Variants in CTNND2 observed in about 807,000 individuals in gnomAD.
CTNND2 encodes catenin delta-2.
CTNND2 carries 22 observed loss-of-function variants against 144.4 expected under a neutral mutation model. The ratio of observed to expected loss-of-function variants is 0.15; its 90% confidence interval spans 0.11 to 0.22. The LOEUF is 0.22. Ranked by LOEUF, CTNND2 falls within the 10% of genes least tolerant of loss-of-function variation. The pLI, the probability that CTNND2 is intolerant of heterozygous loss-of-function variation, is 1.00. For missense variants in CTNND2, 1,353 were observed against 1,618.8 expected (o/e 0.84, Z 2.82); for synonymous variants, 751 against 695.6 (o/e 1.08, Z -1.25).
At chr5:11,505,110 T>C (rs181619943) in intron 3 of CTNND2, among the ~76,000 whole-genome samples, 121 of 151,524 alleles carry the variant, frequency 8.0e-4, no homozygotes, top group South Asian at 1.5e-3. Context: ...GGTGCTTTTA[T>C]AAAAACTAGG....
At chr5:10,980,144 A>G (rs927561177) in intron 21 of CTNND2, among the ~76,000 whole-genome samples, 2 of 152,190 alleles carry the variant, frequency 1.3e-5, no homozygotes, top group African/African-American at 4.8e-5. Flanking sequence ...ATTTTTTGCA[A>G]TCTATCCATC....
At chr5:10,992,470 G>C (rs778919929) in intron 19 of CTNND2, 81 bp downstream of exon 19, 6 of 1,589,452 alleles carry the variant, frequency 3.8e-6, no homozygotes, top group Non-Finnish European at 5.2e-6. Context: ...CTCTGAGTAC[G>C]GGTTGGCTCA....
intron 1 of CTNND2, among the ~76,000 whole-genome samples, chr5:11,757,162 TACAC>T (rs544768401): frequency 1.5e-4 from 22 of 151,562 alleles, no homozygotes; most frequent in Non-Finnish European, 2.1e-4. Context: ...TACATGCACA[TACAC>T]ACAAATCGAT....
At chr5:11,071,407 G>A (rs533848933) in intron 16 of CTNND2, among the ~76,000 whole-genome samples, 3 of 152,224 alleles carry the variant, frequency 2.0e-5, no homozygotes, top group South Asian at 2.1e-4. Flanking sequence ...GCATGGTGGC[G>A]TCTGCACCTG....
intron 9 of CTNND2, among the ~76,000 whole-genome samples, chr5:11,279,789 C>T (rs1470532519): frequency 1.3e-5 from 2 of 152,266 alleles, no homozygotes; most frequent in Non-Finnish European, 1.5e-5. Flanking sequence ...GGAGCAGACA[C>T]ATCACATGGT....
At chr5:11,612,899 C>T (rs1780403079) in intron 2 of CTNND2, among the ~76,000 whole-genome samples, 1 of 152,004 alleles carries the variant, frequency 6.6e-6, no homozygotes, top group Non-Finnish European at 1.5e-5. Flanking sequence ...GACCCTGCCT[C>T]AATATAAATA....
In CTNND2 at chr5:11,261,244, G is replaced by T. The variant is rs1158383701; in HGVS notation, c.1629-24421C>A. On this transcript the variant is annotated intron_variant, in intron 9 of 21. Transcript: ENST00000304623. ...TAGTGACAGTGATATTGGGCTGGCC[G>T]TTTGTCCCAGCCTCTCATCGGTCTA... Among the ~76,000 whole-genome samples, 3 of 152,184 alleles carry T rather than the reference G, an allele frequency of 2.0e-5. No individual in the cohort carries two copies. In the South Asian group the frequency reaches 6.2e-4, roughly 32 times the overall value.
intron 14 of CTNND2, among the ~76,000 whole-genome samples, chr5:11,107,126 G>T (rs1024497): frequency 0.19 from 28,220 of 152,096 alleles, 2,913 homozygotes; most frequent in South Asian, 0.24. Flanking sequence ...CATCTGAAAG[G>T]ATATATGCCC....
Position 11,156,944 on chromosome 5 carries a change from G to A in CTNND2, c.2159+2632C>T, listed in dbSNP as rs147321859. Among the ~76,000 whole-genome samples the A allele has an allele frequency of 1.4e-4, 21 of 152,320 alleles. No individual in the cohort carries two copies. The East Asian group carries it at 2.5e-3, about 18-fold the overall frequency. The stretch of plus-strand genomic sequence containing the variant: ...CCAACAGAGAGGAAAGTGTTGCCCC[G>A]TCAGCAGGTGGTGGTTGTGTATTGT... On this transcript the variant is annotated intron_variant, in intron 12 of 21. Transcript: ENST00000304623.
intron 10 of CTNND2, among the ~76,000 whole-genome samples, chr5:11,207,361 C>T (rs1248691835): frequency 2.7e-5 from 4 of 146,530 alleles, no homozygotes; most frequent in African/African-American, 5.1e-5. Flanking sequence ...GTTCTGCACA[C>T]GTATCCCAGA....
intron 1 of CTNND2, among the ~76,000 whole-genome samples, chr5:11,853,984 G>A (rs567795699): frequency 3.3e-5 from 5 of 152,294 alleles, no homozygotes; most frequent in African/African-American, 1.2e-4. Context: ...CCAAGTCTAT[G>A]TCAGATCACA....
chr5:11,370,422 G>A (rs971456358), intron 7 of CTNND2, among the ~76,000 whole-genome samples: 3 of 152,076 alleles, frequency 2.0e-5, no homozygotes, highest in African/African-American at 7.2e-5. Context: ...AAATAAAGGA[G>A]AAAAAGAGGA....
At chr5:11,261,050 G>T (rs1440393656) in intron 9 of CTNND2, among the ~76,000 whole-genome samples, 1 of 152,080 alleles carries the variant, frequency 6.6e-6, no homozygotes, top group African/African-American at 2.4e-5. Flanking sequence ...CCCAGGCAGG[G>T]TGCTAACATT....
intron 9 of CTNND2, among the ~76,000 whole-genome samples, chr5:11,320,153 A>T (rs915113236): frequency 6.6e-6 from 1 of 152,262 alleles, no homozygotes; most frequent in Non-Finnish European, 1.5e-5. Flanking sequence ...CTTACAACAC[A>T]GGTAAATATC....
At chr5:11,777,676 C>G (rs1435884045) in intron 1 of CTNND2, among the ~76,000 whole-genome samples, 1 of 152,096 alleles carries the variant, frequency 6.6e-6, no homozygotes, top group Non-Finnish European at 1.5e-5. Context: ...GCTTGCTAGG[C>G]AAAAACAACA....
At chr5:11,584,495 GAAGA>G (rs58794373) in intron 2 of CTNND2, among the ~76,000 whole-genome samples, 38,171 of 150,466 alleles carry the variant, frequency 0.25, 5,076 homozygotes, top group African/African-American at 0.34. Context: ...ATTCCTAGAG[GAAGA>G]AACGCCCATA....
intron 1 of CTNND2, among the ~76,000 whole-genome samples, chr5:11,824,883 G>C (rs994422317): frequency 6.6e-6 from 1 of 152,154 alleles, no homozygotes; most frequent in Non-Finnish European, 1.5e-5. Context: ...ACCCCAAACA[G>C]AGTAGGGGAA....
chr5:11,445,696 G>A (rs1236539484), intron 3 of CTNND2, among the ~76,000 whole-genome samples: 1 of 152,262 alleles, frequency 6.6e-6, no homozygotes, highest in African/African-American at 2.4e-5. Flanking sequence ...TTCAGCCACA[G>A]GGAGGAAATT....
At chr5:11,883,755 C>T (rs1315216764) in intron 1 of CTNND2, among the ~76,000 whole-genome samples, 2 of 152,206 alleles carry the variant, frequency 1.3e-5, no homozygotes, top group Admixed American at 6.5e-5. Flanking sequence ...GGAATCGCCA[C>T]ACTGTCTTCC....
Sources: gnomAD v4.1 joint callset for allele counts (sites outside exome capture counted in the v4.1 genomes callset) on GRCh38, gnomAD v4.1.1 for gene constraint, MANE v1.5 for transcripts, NCBI Gene and HGNC (gene_info 2026-07-23, HGNC 2026-07-21) for gene names.